The following TRPC4 variants were observed in gnomAD, a reference collection of about 807,000 sequenced individuals.
TRPC4 encodes the protein transient receptor potential cation channel subfamily C member 4.
A neutral mutation model predicts 99.4 loss-of-function variants in TRPC4; 49 were observed. The observed-to-expected ratio is 0.49, with a 90% CI of 0.39 to 0.63. TRPC4 has a LOEUF of 0.63. Among genes scored for constraint, TRPC4 ranks in the 20% least tolerant of loss-of-function variants. TRPC4 has a pLI of 0.00. For missense variants in TRPC4, 898 were observed against 1,152.9 expected (o/e 0.78, Z 3.20); for synonymous variants, 454 against 425.9 (o/e 1.07, Z -0.81).
intron 4 of TRPC4, among the ~76,000 whole-genome samples, chr13:37,684,730 C>A (rs1167269434): frequency 1.3e-5 from 2 of 150,444 alleles, no homozygotes; most frequent in African/African-American, 4.9e-5. Flanking sequence ...AACTTCTGAA[C>A]ATTTTAAAAA....
At chr13:37,740,645 C>T (rs1195258180) in intron 3 of TRPC4, among the ~76,000 whole-genome samples, 2 of 152,166 alleles carry the variant, frequency 1.3e-5, no homozygotes, top group African/African-American at 2.4e-5. Context: ...TGTGTTTCCT[C>T]TGTCCCTACA....
chr13:37,844,900 A>G (rs950894395), intron 1 of TRPC4, among the ~76,000 whole-genome samples: 3 of 152,096 alleles, frequency 2.0e-5, no homozygotes, highest in African/African-American at 7.2e-5. Context: ...CCAGCCTTGG[A>G]TCCCAGCAAA....
intron 1 of TRPC4, among the ~76,000 whole-genome samples, chr13:37,835,141 C>T (rs866919211): frequency 1.3e-5 from 2 of 151,802 alleles, no homozygotes; most frequent in Non-Finnish European, 2.9e-5. Context: ...CAATATGAAA[C>T]CTGTTTTCTA....
rs146960027 is a variant in TRPC4, at chr13:37,857,815, C to G, written c.-28+11780G>C. ...GAGACCTCAAACTATAAAACCACTG[C>G]AAGAAAACTTTGGAGAAACGCTTCA... On this transcript the variant is annotated intron_variant, in intron 1 of 10. Coordinates refer to ENST00000379705, the MANE Select transcript of TRPC4 (RefSeq NM_016179.4). 2.2e-3 allele frequency among the ~76,000 whole-genome samples: 327 copies of G among 151,620 alleles called. 1 individual carries two copies. Among genetic ancestry groups the G allele is most frequent in the African/African-American group, 7.5e-3 (309 of 41,468 alleles).
intron 1 of TRPC4, among the ~76,000 whole-genome samples, chr13:37,868,833 C>G (rs1287793514): frequency 1.3e-5 from 2 of 152,114 alleles, no homozygotes; most frequent in African/African-American, 2.4e-5. Context: ...GATAAGAGAT[C>G]CCTTTCCTCA....
At chr13:37,645,952 C>T (rs181341201) in intron 8 of TRPC4, among the ~76,000 whole-genome samples, 16 of 152,324 alleles carry the variant, frequency 1.1e-4, no homozygotes, top group Admixed American at 9.8e-4. Context: ...ATTTAGGAAT[C>T]CGGAGACACT....
At chr13:37,651,867 C>T (rs1269717377) in intron 7 of TRPC4, among the ~76,000 whole-genome samples, 1 of 152,192 alleles carries the variant, frequency 6.6e-6, no homozygotes, top group Non-Finnish European at 1.5e-5. Flanking sequence ...AATGCTACCT[C>T]CACAGATGCT....
chr13:37,820,205 A>G (rs1433175698), intron 1 of TRPC4, among the ~76,000 whole-genome samples: 1 of 152,078 alleles, frequency 6.6e-6, no homozygotes, highest in Non-Finnish European at 1.5e-5. Context: ...AGAAATGGAT[A>G]CATTCCTGGA....
chr13:37,849,956 G>A (rs528576219), intron 1 of TRPC4, among the ~76,000 whole-genome samples: 5 of 152,256 alleles, frequency 3.3e-5, no homozygotes, highest in South Asian at 2.1e-4. Context: ...AAAACTACCC[G>A]ATATATTAAC....
rs1955792119 is a variant in TRPC4 at position 37,746,574 on chromosome 13, T to A, written c.379-119A>T. ...TTATATGTCCTTGGCCGGGTTTTTTTTTTTTTGTAGGAGAGATATGGTCTT... is the reference window on the plus strand; with the variant it reads ...TTATATGTCCTTGGCCGGGTTTTTTATTTTTTGTAGGAGAGATATGGTCTT... On this transcript the variant is annotated intron_variant, in intron 2 of 10. Coordinates refer to ENST00000379705, the MANE Select transcript of TRPC4 (RefSeq NM_016179.4). 2.1e-5 allele frequency: 25 copies of A among 1,200,312 alleles called. 1 individual carries two copies. Among genetic ancestry groups the A allele is most frequent in the Non-Finnish European group, 2.8e-5 (25 of 900,060 alleles). The allele number at this position is 1,200,312 out of a possible 1,614,324, so 74.4% of individuals were successfully genotyped here.
Position 37,783,094 on chromosome 13 carries a change from A to G in TRPC4, c.240T>C (p.Asn80=). ...GRTALLIAIE[N]ENLELIELLL... ...GTAGTTCGATGAGCTCCAAGTTCTC[A>G]TTTTCAATTGCAATGAGGAGAGCAG... is the stretch of plus-strand genomic sequence containing the variant. The change falls in exon 2 of 11, where the codon AAT becomes AAC. Residue 80 remains asparagine, a synonymous_variant. Transcript: ENST00000379705. The G allele has an allele frequency of 6.2e-7, 1 of 1,613,436 alleles. No homozygotes were observed. Among genetic ancestry groups the G allele is most frequent in the East Asian group, 2.2e-5 (1 of 44,758 alleles).
intron 1 of TRPC4, 57 bp downstream of exon 1, chr13:37,869,537 GA>G (rs1414182370): frequency 6.6e-6 from 1 of 152,244 alleles, no homozygotes; most frequent in Non-Finnish European, 1.5e-5. Context: ...CGAGATCCCA[GA>G]AAGAAGGCGA....
At chr13:37,824,507 C>G (rs530618034) in intron 1 of TRPC4, among the ~76,000 whole-genome samples, 7 of 152,112 alleles carry the variant, frequency 4.6e-5, no homozygotes, top group African/African-American at 1.7e-4. Flanking sequence ...TGTCAAAGGC[C>G]TTTTCTGAAT....
intron 3 of TRPC4, among the ~76,000 whole-genome samples, chr13:37,735,360 G>A (rs542694802): frequency 6.6e-6 from 1 of 152,166 alleles, no homozygotes; most frequent in South Asian, 2.1e-4. Flanking sequence ...ATTTTTCCAG[G>A]AAATATATTG....
chr13:37,655,310 T>C (rs1199499199), intron 6 of TRPC4, 27 bp from the exon 7 acceptor site: 5 of 1,377,906 alleles, frequency 3.6e-6, no homozygotes, highest in East Asian at 2.7e-5. Context: ...ATGATACTAA[T>C]AGCTATATTA....
chr13:37,799,976 C>T (rs950743758), intron 1 of TRPC4, among the ~76,000 whole-genome samples: 5 of 152,028 alleles, frequency 3.3e-5, no homozygotes, highest in East Asian at 3.9e-4. Flanking sequence ...TGTCCATAGG[C>T]GGGGTTGTTG....
At chr13:37,838,262 G>A (rs929375830) in intron 1 of TRPC4, among the ~76,000 whole-genome samples, 1 of 152,158 alleles carries the variant, frequency 6.6e-6, no homozygotes, top group Non-Finnish European at 1.5e-5. Flanking sequence ...TTAGTGTGTG[G>A]TCTCCAGATC....
chr13:37,812,906 C>T (rs1308459199), intron 1 of TRPC4, among the ~76,000 whole-genome samples: 1 of 151,674 alleles, frequency 6.6e-6, no homozygotes, highest in Non-Finnish European at 1.5e-5. Flanking sequence ...AAATGACATG[C>T]CACGTAAAGA....
chr13:37,798,655 C>T (rs1011575892), intron 1 of TRPC4, among the ~76,000 whole-genome samples: 6 of 152,086 alleles, frequency 3.9e-5, no homozygotes, highest in African/African-American at 1.4e-4. Flanking sequence ...GTATCAGACA[C>T]TGAGATGTCT....
Sources: allele counts gnomAD v4.1 joint callset (sites outside exome capture counted in the v4.1 genomes callset), GRCh38; gene constraint gnomAD v4.1.1; transcripts MANE v1.5; gene names NCBI Gene and HGNC (gene_info 2026-07-23, HGNC 2026-07-21).